EXOC2: variants seen among roughly 807,000 people sequenced by gnomAD.
EXOC2 encodes the protein exocyst complex component 2.
EXOC2 carries 70 observed loss-of-function variants against 131.8 expected under a neutral mutation model. The observed-to-expected ratio is 0.53, with a 90% CI of 0.44 to 0.65. The LOEUF (loss-of-function observed/expected upper bound fraction) is 0.65. EXOC2 is among the 30% of genes least tolerant of loss of function. The pLI is 0.00. For synonymous variants in EXOC2, 411 were observed against 398.4 expected, an observed-to-expected ratio of 1.03 and a Z score of -0.38; for missense variants, 923 against 1,108.6, an observed-to-expected ratio of 0.83 and a Z score of 2.38.
At chr6:683,586 T>C (rs1017061972) in intron 1 of EXOC2, among the ~76,000 whole-genome samples, 1 of 152,246 alleles carries the variant, frequency 6.6e-6, no homozygotes, top group Admixed American at 6.5e-5. Context: ...ACCGTCAGCT[T>C]AAATTGGTTA....
At chr6:600,617 G>C (rs1760077919) in intron 7 of EXOC2, among the ~76,000 whole-genome samples, 1 of 151,890 alleles carries the variant, frequency 6.6e-6, no homozygotes, top group Non-Finnish European at 1.5e-5. Flanking sequence ...GGGGCAAAAA[G>C]TATGAATTCA....
Position 564,009 on chromosome 6 carries a change from C to T in EXOC2, c.1789+24G>A, listed in dbSNP as rs572812118. The stretch of plus-strand genomic sequence containing the variant: ...ATTCAGATAATCATTGCACAGTGAA[C>T]GTCACCGATTTATCAAAACACACCT... On this transcript the variant is annotated intron_variant, in intron 16 of 27. Coordinates refer to ENST00000230449, the MANE Select transcript of EXOC2 (RefSeq NM_018303.6). 1.5e-4 allele frequency: 244 copies of T among 1,610,496 alleles called. 3 individuals carry two copies. In the South Asian group the frequency reaches 2.3e-3, roughly 15 times the overall value.
At chr6:493,798 C>T (rs774178519) in intron 25 of EXOC2, among the ~76,000 whole-genome samples, 6 of 152,128 alleles carry the variant, frequency 3.9e-5, no homozygotes, top group African/African-American at 7.2e-5. Flanking sequence ...TGTCCAGGCC[C>T]GAGGAGGTCT....
At chr6:552,256 G>A (rs913973897) in intron 21 of EXOC2, among the ~76,000 whole-genome samples, 5 of 152,196 alleles carry the variant, frequency 3.3e-5, no homozygotes, top group South Asian at 2.1e-4. Flanking sequence ...GCAGGACGTC[G>A]CTCCCTGCTT....
intron 12 of EXOC2, among the ~76,000 whole-genome samples, chr6:574,614 G>A (rs1758478511): frequency 1.3e-5 from 2 of 152,134 alleles, no homozygotes; most frequent in African/African-American, 2.4e-5. Flanking sequence ...CATTTTCACA[G>A]GTGTGAAAGG....
At chr6:586,304 T>C (rs1759203932) in intron 11 of EXOC2, among the ~76,000 whole-genome samples, 2 of 152,184 alleles carry the variant, frequency 1.3e-5, no homozygotes, top group African/African-American at 2.4e-5. Flanking sequence ...GTATGTGCCA[T>C]GAGTTCCTTT....
chr6:637,981 A>C (rs1311622252), intron 1 of EXOC2, 120 bp from the exon 2 acceptor site: 2 of 653,256 alleles, frequency 3.1e-6, no homozygotes, highest in Non-Finnish European at 5.1e-6. Flanking sequence ...CAGAGTTTTG[A>C]ATTTTTTAGG....
intron 4 of EXOC2, among the ~76,000 whole-genome samples, chr6:619,837 G>T (rs908711768): frequency 2.2e-4 from 34 of 152,134 alleles, no homozygotes; most frequent in African/African-American, 8.2e-4. Context: ...TAAGACATCT[G>T]GCTGAGTTGA....
chr6:505,872 G>A (rs1764520075), intron 23 of EXOC2, among the ~76,000 whole-genome samples: 1 of 152,226 alleles, frequency 6.6e-6, no homozygotes, highest in Non-Finnish European at 1.5e-5. Flanking sequence ...GACCATGTCT[G>A]TCTTGCTCAC....
At chr6:609,887 A>G (rs1760626330) in intron 7 of EXOC2, among the ~76,000 whole-genome samples, 1 of 152,198 alleles carries the variant, frequency 6.6e-6, no homozygotes, top group Admixed American at 6.5e-5. Context: ...TTGTTTTCAA[A>G]TTATGATTTC....
intron 21 of EXOC2, among the ~76,000 whole-genome samples, 190 bp downstream of exon 21, chr6:553,664 A>G (rs1445125803): frequency 6.6e-6 from 1 of 152,200 alleles, no homozygotes; most frequent in East Asian, 1.9e-4. Flanking sequence ...AACTCCAGCT[A>G]AAAGTGTTAA....
intron 22 of EXOC2, among the ~76,000 whole-genome samples, chr6:548,088 T>G (rs537202951): frequency 6.6e-6 from 1 of 152,370 alleles, no homozygotes; most frequent in African/African-American, 2.4e-5. Context: ...AGCCACTTTT[T>G]TACTGCAAGA....
At chr6:603,728 G>GATTTGGAA (rs1349942341) in intron 7 of EXOC2, among the ~76,000 whole-genome samples, 1 of 151,850 alleles carries the variant, frequency 6.6e-6, no homozygotes, top group Non-Finnish European at 1.5e-5. Context: ...CAAATCCTTA[G>GATTTGGAA]CATTCTTCTT....
intron 13 of EXOC2, among the ~76,000 whole-genome samples, chr6:567,172 C>T (rs1472810365): frequency 2.0e-5 from 3 of 152,236 alleles, no homozygotes; most frequent in Non-Finnish European, 4.4e-5. Flanking sequence ...TTCCCCGCCC[C>T]ATGGCCTGGG....
chr6:658,015 T>G (rs1025921005), intron 1 of EXOC2, among the ~76,000 whole-genome samples: 4 of 152,198 alleles, frequency 2.6e-5, no homozygotes, highest in African/African-American at 9.6e-5. Flanking sequence ...TCTCTACTAC[T>G]TCTAGGGTCA....
chr6:658,411 G>A (rs911255581), intron 1 of EXOC2, among the ~76,000 whole-genome samples: 1 of 151,654 alleles, frequency 6.6e-6, no homozygotes, highest in Non-Finnish European at 1.5e-5. Flanking sequence ...AATTCTGATG[G>A]GAATTATCAC....
chr6:586,693 A>G (rs7776112), intron 11 of EXOC2, among the ~76,000 whole-genome samples: 5,214 of 152,292 alleles, frequency 0.034, 315 homozygotes, highest in African/African-American at 0.12. Context: ...TGCTCCAACA[A>G]TGTAACTCAG....
At chr6:646,221 TAA>T (rs1024425335) in intron 1 of EXOC2, among the ~76,000 whole-genome samples, 10 of 152,190 alleles carry the variant, frequency 6.6e-5, no homozygotes, top group African/African-American at 2.4e-4. Context: ...TATTATAATA[TAA>T]GAGAATGTCC....
chr6:650,038 A>G (rs1215516535), intron 1 of EXOC2, among the ~76,000 whole-genome samples: 2 of 152,218 alleles, frequency 1.3e-5, no homozygotes, highest in Non-Finnish European at 2.9e-5. Flanking sequence ...TGCCTGCAAG[A>G]GCAAAGGACA....
Sources: gnomAD v4.1 joint callset for allele counts (sites outside exome capture counted in the v4.1 genomes callset) on GRCh38, gnomAD v4.1.1 for gene constraint, MANE v1.5 for transcripts, NCBI Gene and HGNC (gene_info 2026-07-23, HGNC 2026-07-21) for gene names.